NRXN1: variants seen among roughly 807,000 people sequenced by gnomAD.
NRXN1 encodes the protein neurexin 1.
In NRXN1, 39 loss-of-function variants were observed where a neutral mutation model predicts 150.9. The ratio of observed to expected loss-of-function variants is 0.26; its 90% CI spans 0.20 to 0.34. The LOEUF is 0.34. NRXN1 is among the 10% of genes least tolerant of loss of function. The pLI is 1.00. For synonymous variants in NRXN1, 924 were observed against 757.0 expected, an observed-to-expected ratio of 1.22 and a Z score of -3.62; for missense variants, 1,815 against 1,949.9, an observed-to-expected ratio of 0.93 and a Z score of 1.30.
chr2:51,018,621 T>G (rs943125036), intron 2 of NRXN1, among the ~76,000 whole-genome samples: 6 of 152,098 alleles, frequency 3.9e-5, no homozygotes, highest in African/African-American at 1.4e-4. Context: ...GTGCCCACTG[T>G]ACCATCATCT....
At chr2:50,481,491 T>C (rs1401725333) in intron 15 of NRXN1, among the ~76,000 whole-genome samples, 2 of 152,176 alleles carry the variant, frequency 1.3e-5, no homozygotes, top group Non-Finnish European at 2.9e-5. Context: ...TATCAAAATG[T>C]TTTTTACCAA....
chr2:50,468,290 A>T (rs2089120814), intron 16 of NRXN1, among the ~76,000 whole-genome samples: 1 of 151,654 alleles, frequency 6.6e-6, no homozygotes, highest in African/African-American at 2.4e-5. Flanking sequence ...ATTGTAGAGC[A>T]GCAACTCAGA....
chr2:50,166,693 T>C (rs1350379657), intron 18 of NRXN1, among the ~76,000 whole-genome samples: 1 of 152,208 alleles, frequency 6.6e-6, no homozygotes, highest in Non-Finnish European at 1.5e-5. Context: ...ATGCATACTA[T>C]TTATTAAATG....
At chr2:50,354,094 C>G (rs1237399700) in intron 17 of NRXN1, among the ~76,000 whole-genome samples, 1 of 152,098 alleles carries the variant, frequency 6.6e-6, no homozygotes, top group East Asian at 1.9e-4. Flanking sequence ...AATATAACTA[C>G]AGGCAGATCA....
intron 8 of NRXN1, among the ~76,000 whole-genome samples, chr2:50,609,321 T>G (rs1007936265): frequency 8.5e-5 from 13 of 152,094 alleles, no homozygotes; most frequent in African/African-American, 3.1e-4. Flanking sequence ...AATTTCAAGA[T>G]GACAAGAAGA....
At chr2:50,955,228 C>T (rs532307312) in intron 2 of NRXN1, among the ~76,000 whole-genome samples, 2 of 152,284 alleles carry the variant, frequency 1.3e-5, no homozygotes, top group South Asian at 4.1e-4. Flanking sequence ...ACCAGAGATT[C>T]TGTGAGCAGG....
At chr2:50,202,162 C>G (rs183866302) in intron 18 of NRXN1, among the ~76,000 whole-genome samples, 9 of 152,082 alleles carry the variant, frequency 5.9e-5, no homozygotes, top group Admixed American at 5.2e-4. Flanking sequence ...CTACAGCAAA[C>G]GAAAGGAGGA....
At chr2:51,001,236 G>GC (rs1268211869) in intron 2 of NRXN1, among the ~76,000 whole-genome samples, 6 of 89,304 alleles carry the variant, frequency 6.7e-5, no homozygotes, top group African/African-American at 1.4e-4. Context: ...CATGGGGTTG[G>GC]GGGGGGGGGG....
chr2:50,731,374 G>T (rs982199089), intron 5 of NRXN1, among the ~76,000 whole-genome samples: 1 of 152,168 alleles, frequency 6.6e-6, no homozygotes, highest in Admixed American at 6.5e-5. Context: ...TTGTAAGTTC[G>T]CTGTTCGAAA....
intron 2 of NRXN1, among the ~76,000 whole-genome samples, chr2:50,957,576 C>G (rs996926678): frequency 6.6e-6 from 1 of 151,974 alleles, no homozygotes; most frequent in Non-Finnish European, 1.5e-5. Flanking sequence ...TTGTGATATC[C>G]CTGGCATAAT....
chr2:50,487,999 C>T (rs1315563114), intron 15 of NRXN1, among the ~76,000 whole-genome samples: 2 of 152,168 alleles, frequency 1.3e-5, no homozygotes, highest in African/African-American at 4.8e-5. Context: ...AAAACAAATG[C>T]TGCTCACTCA....
intron 19 of NRXN1, among the ~76,000 whole-genome samples, chr2:50,086,094 C>G (rs1698740323): frequency 6.6e-6 from 1 of 151,778 alleles, no homozygotes; most frequent in East Asian, 1.9e-4. Context: ...GTTGAAGTTC[C>G]TTCCCTCCTT....
At chr2:51,001,083 T>G (rs1028767205) in intron 2 of NRXN1, among the ~76,000 whole-genome samples, 11 of 151,970 alleles carry the variant, frequency 7.2e-5, no homozygotes, top group Admixed American at 2.0e-4. Context: ...CCTTTCCCCA[T>G]TTGGTGAATG....
chr2:50,550,902 G>A (rs1003504252), intron 9 of NRXN1, among the ~76,000 whole-genome samples: 1 of 151,566 alleles, frequency 6.6e-6, no homozygotes, highest in South Asian at 2.1e-4. Context: ...AGGATGGTCT[G>A]GATCTCCTGA....
intron 12 of NRXN1, among the ~76,000 whole-genome samples, chr2:50,523,306 C>A (rs1039870380): frequency 3.9e-5 from 6 of 152,148 alleles, no homozygotes; most frequent in African/African-American, 1.4e-4. Flanking sequence ...CAGCTTCTAT[C>A]CTAGGCAGGT....
intron 12 of NRXN1, among the ~76,000 whole-genome samples, chr2:50,517,077 T>C (rs748067532): frequency 2.0e-5 from 3 of 152,308 alleles, no homozygotes; most frequent in East Asian, 1.9e-4. Flanking sequence ...GCAACCTTCT[T>C]ACTTTCTGCA....
At chr2:50,595,594 C>T (rs1023524732) in intron 8 of NRXN1, among the ~76,000 whole-genome samples, 4 of 152,012 alleles carry the variant, frequency 2.6e-5, no homozygotes, top group Non-Finnish European at 1.5e-5. Flanking sequence ...CAAGTCCTCC[C>T]GGACAGATAG....
At chr2:50,428,486 G>C (rs1010999859) in intron 17 of NRXN1, among the ~76,000 whole-genome samples, 1 of 152,126 alleles carries the variant, frequency 6.6e-6, no homozygotes, top group East Asian at 1.9e-4. Context: ...TTTAGAACTT[G>C]GTTTTTAATT....
intron 22 of NRXN1, among the ~76,000 whole-genome samples, chr2:49,928,258 TAA>T (rs567989734): frequency 1.4e-5 from 2 of 141,440 alleles, no homozygotes; most frequent in Non-Finnish European, 1.6e-5. Context: ...CAATGATCCT[TAA>T]AAAAAAAAAA....
Sources: gnomAD v4.1 joint callset for allele counts (sites outside exome capture counted in the v4.1 genomes callset) on GRCh38, gnomAD v4.1.1 for gene constraint, MANE v1.5 for transcripts, NCBI Gene and HGNC (gene_info 2026-07-23, HGNC 2026-07-21) for gene names.